The following SMARCA5 variants were observed in gnomAD, a reference collection of about 807,000 sequenced individuals.
SMARCA5 encodes SWI/SNF-related matrix-associated actin-dependent regulator of chromatin subfamily A member 5.
In SMARCA5, 18 loss-of-function variants were observed where a neutral mutation model predicts 140.4. The ratio of observed to expected loss-of-function variants is 0.13; its 90% CI spans 0.09 to 0.19. The LOEUF (loss-of-function observed/expected upper bound fraction) is 0.19. Ranked by LOEUF, SMARCA5 falls within the 10% of genes least tolerant of loss-of-function variation. The pLI, the probability that SMARCA5 is intolerant of heterozygous loss-of-function variation, is 1.00. For synonymous variants in SMARCA5, 449 were observed against 419.6 expected, an observed-to-expected ratio of 1.07 and a Z score of -0.86; for missense variants, 606 against 1,276.8, an observed-to-expected ratio of 0.47 and a Z score of 8.01.
intron 2 of SMARCA5, 115 bp downstream of exon 2, chr4:143,517,544 A>T (rs771917806): frequency 8.3e-6 from 5 of 599,714 alleles, no homozygotes; most frequent in African/African-American, 5.8e-5. Context: ...CAGACTGGGT[A>T]ATTTATAAAG....
chr4:143,544,182 T>A (rs1737480287), intron 16 of SMARCA5: 1 of 333,046 alleles, frequency 3.0e-6, no homozygotes, highest in Admixed American at 4.7e-5. Flanking sequence ...TGTAATGAAG[T>A]TTGTGGTATA....
chr4:143,536,820 A>C, intron 11 of SMARCA5, 142 bp downstream of exon 11: 1 of 642,256 alleles, frequency 1.6e-6, no homozygotes, highest in Non-Finnish European at 2.8e-6. Context: ...TCATTATCTG[A>C]GCTCTAACCC....
At chr4:143,542,321 C>G (rs1021335982) in intron 14 of SMARCA5, among the ~76,000 whole-genome samples, 1 of 152,110 alleles carries the variant, frequency 6.6e-6, no homozygotes, top group Non-Finnish European at 1.5e-5. Context: ...AAACAGCAAG[C>G]CTTAAGTGCA....
At chr4:143,551,229 A>C (rs1289270085) in intron 23 of SMARCA5, among the ~76,000 whole-genome samples, 3 of 151,970 alleles carry the variant, frequency 2.0e-5, no homozygotes, top group African/African-American at 7.2e-5. Context: ...ATCTGTTCAG[A>C]TCTTTTGCCT....
At chr4:143,542,421 T>A (rs1481416694) in intron 14 of SMARCA5, among the ~76,000 whole-genome samples, 1 of 152,192 alleles carries the variant, frequency 6.6e-6, no homozygotes, top group East Asian at 1.9e-4. Flanking sequence ...GGAACCTTCC[T>A]GCCCAACTTG....
rs1315481272 is a variant in SMARCA5 at position 143,555,106 on chromosome 4, GCTACTA to G, written c.*1925_*1930del. 236 of 664,400 alleles carry G rather than the reference GCTACTA, an allele frequency of 3.6e-4. 1 individual carries two copies. Among genetic ancestry groups the G allele is most frequent in the Non-Finnish European group, 5.9e-4 (210 of 357,938 alleles). 41.2% of individuals were successfully genotyped at this position (664,400 alleles called of 1,614,324 possible). On this transcript the variant is annotated 3_prime_UTR_variant, in exon 24 of 24. Coordinates refer to ENST00000283131, the MANE Select transcript of SMARCA5 (RefSeq NM_003601.4). ...ATTAAAATCTTCTGTCAGTGCCACA[GCTACTA>G]CTGCTACTGGAACTGCCTTAACCAC...
intron 9 of SMARCA5, among the ~76,000 whole-genome samples, chr4:143,533,170 A>G (rs1255407031): frequency 6.6e-6 from 1 of 152,240 alleles, no homozygotes; most frequent in African/African-American, 2.4e-5. Context: ...AATAAAAGAA[A>G]CCAGATATAA....
rs1341101678 is a variant in SMARCA5, at chr4:143,556,950, G to T, written c.*3766G>T. On this transcript the variant is annotated 3_prime_UTR_variant, in exon 24 of 24. Coordinates refer to ENST00000283131, the MANE Select transcript of SMARCA5 (RefSeq NM_003601.4). ...TTCTAAATGAAAAAAATGAAGAAGT[G>T]GAATAGTTTCTCCACAGGCATAAGA... The T allele has an allele frequency of 6.6e-6, 1 of 152,102 alleles. No homozygotes were observed. Among genetic ancestry groups the T allele is most frequent in the Admixed American group, 6.6e-5 (1 of 15,266 alleles). 9.4% of individuals were successfully genotyped at this position (152,102 alleles called of 1,614,324 possible).
chr4:143,516,205 AT>A (rs60061501), intron 1 of SMARCA5, among the ~76,000 whole-genome samples: 61,483 of 123,882 alleles, frequency 0.5, 14,205 homozygotes, highest in Middle Eastern at 0.63. Flanking sequence ...GCATTCATGA[AT>A]TTTTTTTTTT....
chr4:143,517,929 T>C (rs1510881), intron 2 of SMARCA5, among the ~76,000 whole-genome samples: 32,002 of 152,156 alleles, frequency 0.21, 3,374 homozygotes, highest in South Asian at 0.29. Flanking sequence ...CCATATCTTA[T>C]GTGTCTATGT....
intron 9 of SMARCA5, 117 bp downstream of exon 9, chr4:143,530,643 C>T (rs948032107): frequency 3.1e-6 from 2 of 637,880 alleles, no homozygotes; most frequent in Non-Finnish European, 5.4e-6. Context: ...ATCAGATCTG[C>T]TTGAATTCTG....
Position 143,550,118 on chromosome 4 carries a change from A to C in SMARCA5, c.3093+14A>C. The C allele has an allele frequency of 7.4e-7, 1 of 1,344,202 alleles. No individual in the cohort carries two copies. 83.3% of individuals were successfully genotyped at this position (1,344,202 alleles called of 1,614,324 possible). A position where few individuals can be genotyped will look rare whatever the true frequency, so the allele number is the denominator to read the frequency against. ...CCAAAGCCTTCAGTAAGTATTCATG[A>C]ATATGTAAATATGTGGATTATGTAA... is the stretch of plus-strand genomic sequence containing the variant. On this transcript the variant is annotated intron_variant, in intron 23 of 23. Coordinates refer to ENST00000283131, the MANE Select transcript of SMARCA5 (RefSeq NM_003601.4).
intron 13 of SMARCA5, among the ~76,000 whole-genome samples, chr4:143,539,942 CAA>C (rs1312712018): frequency 6.6e-6 from 1 of 152,108 alleles, no homozygotes; most frequent in Non-Finnish European, 1.5e-5. Context: ...AAAAGTAAAA[CAA>C]ATTCATATTC....
At chr4:143,515,219 A>T (rs1018050677) in intron 1 of SMARCA5, among the ~76,000 whole-genome samples, 2 of 152,202 alleles carry the variant, frequency 1.3e-5, no homozygotes, top group African/African-American at 4.8e-5. Flanking sequence ...CTTTTGGCAC[A>T]GTAGTTATAT....
At chr4:143,530,547 T>TTAAAGCA (rs1164110303) in intron 9 of SMARCA5, 21 bp downstream of exon 9, 1 of 1,509,718 alleles carries the variant, frequency 6.6e-7, no homozygotes, top group Admixed American at 1.8e-5. Context: ...TGGAGTAGTG[T>TTAAAGCA]TAAAGCATAT....
intron 23 of SMARCA5, among the ~76,000 whole-genome samples, chr4:143,552,443 T>C (rs927465022): frequency 3.9e-5 from 6 of 152,020 alleles, no homozygotes; most frequent in African/African-American, 9.7e-5. Flanking sequence ...AAGTACAAAT[T>C]TAGCTTGACT....
chr4:143,514,271 C>G (rs917497291), intron 1 of SMARCA5, 170 bp downstream of exon 1: 13 of 620,278 alleles, frequency 2.1e-5, no homozygotes, highest in Non-Finnish European at 5.3e-6. Context: ...CTTGTTCTTA[C>G]CCTATTCGAG....
intron 3 of SMARCA5, among the ~76,000 whole-genome samples, chr4:143,522,294 A>G (rs551777012): frequency 1.3e-5 from 2 of 152,280 alleles, no homozygotes; most frequent in African/African-American, 2.4e-5. Context: ...TAATTCTTAC[A>G]TGTTGAATTT....
At chr4:143,526,205 C>G (rs948675742) in intron 5 of SMARCA5, 76 bp from the exon 6 acceptor site, 4 of 1,150,908 alleles carry the variant, frequency 3.5e-6, no homozygotes, top group Non-Finnish European at 5.1e-6. Flanking sequence ...TTGAACATTT[C>G]TATATGTTGG....
Sources: allele counts gnomAD v4.1 joint callset (sites outside exome capture counted in the v4.1 genomes callset), GRCh38; gene constraint gnomAD v4.1.1; transcripts MANE v1.5; gene names NCBI Gene and HGNC (gene_info 2026-07-23, HGNC 2026-07-21).